The following FAM83F variants were observed in gnomAD, a reference collection of about 807,000 sequenced individuals.
The protein encoded by FAM83F is protein FAM83F.
In FAM83F, 45 loss-of-function variants were observed where a neutral mutation model predicts 42.9. The observed-to-expected ratio is 1.05, with a 90% CI of 0.83 to 1.35. The LOEUF is 1.35. Among genes scored for constraint, FAM83F ranks in the 40% most tolerant of loss-of-function variants. The probability of loss-of-function intolerance (pLI) is 0.00; values close to 1 mark genes in which losing one functional copy is unlikely to be tolerated. For synonymous variants in FAM83F, 306 were observed against 298.3 expected, an observed-to-expected ratio of 1.03 and a Z score of -0.27; for missense variants, 617 against 695.9, an observed-to-expected ratio of 0.89 and a Z score of 1.28.
chr22:40,028,474 C>T (rs1240127283), intron 4 of FAM83F, among the ~76,000 whole-genome samples: 8 of 152,172 alleles, frequency 5.3e-5, no homozygotes, highest in Admixed American at 3.9e-4. Context: ...ATAACACGAG[C>T]GCCTTCCACC....
chr22:40,016,265 C>T (rs952396093), intron 1 of FAM83F, among the ~76,000 whole-genome samples: 2 of 152,050 alleles, frequency 1.3e-5, no homozygotes, highest in Non-Finnish European at 2.9e-5. Flanking sequence ...TGCAGTAGTG[C>T]TATCATGGCT....
chr22:40,006,963 T>A (rs780652566), intron 1 of FAM83F, among the ~76,000 whole-genome samples: 37 of 152,262 alleles, frequency 2.4e-4, no homozygotes, highest in Middle Eastern at 3.4e-3. Flanking sequence ...CAAGATTTTA[T>A]CTAGGCTTGA....
chr22:39,999,316 A>C (rs1479015698), intron 1 of FAM83F, among the ~76,000 whole-genome samples: 2 of 152,192 alleles, frequency 1.3e-5, no homozygotes, highest in Non-Finnish European at 2.9e-5. Flanking sequence ...TCTTGCGCCC[A>C]GGCTCCCTTG....
At chr22:40,000,485 G>T (rs563278641) in intron 1 of FAM83F, among the ~76,000 whole-genome samples, 2 of 152,156 alleles carry the variant, frequency 1.3e-5, no homozygotes, top group African/African-American at 4.8e-5. Context: ...GGAGCCTACC[G>T]TCTTTCCCCA....
intron 1 of FAM83F, among the ~76,000 whole-genome samples, chr22:39,998,445 A>G (rs1184503126): frequency 1.3e-5 from 2 of 151,302 alleles, no homozygotes; most frequent in African/African-American, 2.4e-5. Flanking sequence ...GTCACAGGCC[A>G]GCGGGTGATT....
chr22:40,033,093 T>G lies in FAM83F; in HGVS notation c.*3528T>G, dbSNP rs1328605494. 3 of 123,554 alleles carry G rather than the reference T, an allele frequency of 2.4e-5. No individual in the cohort carries two copies. Among genetic ancestry groups the G allele is most frequent in the Non-Finnish European group, 3.9e-5 (2 of 51,868 alleles). 7.7% of individuals were successfully genotyped at this position (123,554 alleles called of 1,614,324 possible). ...ATGAGAAGCGCAAGTAATTGTTTTG[T>G]TTTTTTTTTGAGACAATGTCTTGCT... On this transcript the variant is annotated 3_prime_UTR_variant, in exon 5 of 5. Transcript: ENST00000333407.
In FAM83F at chr22:40,020,099, G is replaced by A. The variant is rs908565368; in HGVS notation, c.779+91G>A. On this transcript the variant is annotated intron_variant, in intron 3 of 4. Transcript: ENST00000333407. ...GCCAGACCGGAGCCTCCGTCATCAT[G>A]AGTGTGTAACAGGGATCATCTGACG... 3 of 1,517,398 alleles carry A rather than the reference G, an allele frequency of 2.0e-6. No homozygotes were observed. In the African/African-American group the frequency reaches 4.2e-5, roughly 21 times the overall value. The allele number at this position is 1,517,398 out of a possible 1,614,324, so 94.0% of individuals were successfully genotyped here.
chr22:40,000,227 A>C (rs1390744799), intron 1 of FAM83F, among the ~76,000 whole-genome samples: 1 of 152,172 alleles, frequency 6.6e-6, no homozygotes, highest in Non-Finnish European at 1.5e-5. Flanking sequence ...CAGAGAGAAG[A>C]ATGCTCTAAA....
At chr22:39,997,392 A>G (rs780353339) in intron 1 of FAM83F, among the ~76,000 whole-genome samples, 1 of 152,206 alleles carries the variant, frequency 6.6e-6, no homozygotes, top group Non-Finnish European at 1.5e-5. Context: ...CTCTTTAAAT[A>G]TTTAACAACA....
rs1197273575 is a variant in FAM83F, at chr22:40,021,877, T to C, written c.1367T>C (p.Met456Thr). The change falls in exon 4 of 5, where the codon ATG becomes ACG. Residue 456 changes from methionine (M) to threonine (T), a missense_variant. Transcript: ENST00000333407. This position sits in a 1 kb window ranked among gnomAD's most constrained non-coding sequence, Gnocchi z 8.7. Reference sequence around the variant, plus strand: ...AAGAGGCCTGCGGCGCCCAATGGCATGGCCAGCTCTGTCTCCACCGAGACC... The same window carrying C: ...AAGAGGCCTGCGGCGCCCAATGGCACGGCCAGCTCTGTCTCCACCGAGACC... ...RAKRPAAPNG[M>T]ASSVSTETSE... 1.9e-6 allele frequency: 3 copies of C among 1,609,856 alleles called. No individual in the cohort carries two copies. Among genetic ancestry groups the C allele is most frequent in the Non-Finnish European group, 2.5e-6 (3 of 1,178,364 alleles).
Position 40,020,022 on chromosome 22 carries a change from G to T in FAM83F, c.779+14G>T, listed in dbSNP as rs1187142258. ...TGGATCTTACAGGTGAGTTGGGCCG[G>T]ATCAAAGAAGGGCCCAGGAGGCCTT... On this transcript the variant is annotated intron_variant, in intron 3 of 4. Coordinates refer to ENST00000333407, the MANE Select transcript of FAM83F (RefSeq NM_138435.4). 1 of 1,606,056 alleles carries T rather than the reference G, an allele frequency of 6.2e-7. No homozygotes were observed. The highest frequency in any genetic ancestry group is 8.5e-7 in the Non-Finnish European group (1 of 1,176,946).
At position 40,019,891 on chromosome 22, in the gene FAM83F, T is replaced by A; in HGVS notation, c.662T>A (p.Ile221Asn). The change falls in exon 3 of 5, where the codon ATC becomes AAC. Residue 221 changes from isoleucine (I) to asparagine (N), a missense_variant. Physicochemically the swap from Ile to Asn is moderately radical, Grantham distance 149. Coordinates refer to ENST00000333407, the MANE Select transcript of FAM83F (RefSeq NM_138435.4). Reference protein sequence around the residue: ...LQLTDFRIRNIRVRSVTGVGF... With the variant: ...LQLTDFRIRNNRVRSVTGVGF... ...GCCTTCTGCTCTTCCCAACAGAACA[T>A]CCGTGTCCGCTCTGTGACAGGCGTC... 1 of 1,611,002 alleles carries A rather than the reference T, an allele frequency of 6.2e-7. No individual in the cohort carries two copies. The highest frequency in any genetic ancestry group is 8.5e-7 in the Non-Finnish European group (1 of 1,178,578).
In FAM83F at chr22:40,023,547, C is replaced by T. The variant is rs552026940; in HGVS notation, c.1453+1584C>T. Among the ~76,000 whole-genome samples, 2 of 152,228 alleles carry T rather than the reference C, an allele frequency of 1.3e-5. No homozygotes were observed. The highest frequency in any genetic ancestry group is 2.1e-4 in the South Asian group (1 of 4,824). On this transcript the variant is annotated intron_variant, in intron 4 of 4. Transcript: ENST00000333407. This position sits in a 1 kb window ranked among gnomAD's most constrained non-coding sequence, Gnocchi z 4.1. ...GAAGCTTTCTCTTCCTTCAGCCCCT[C>T]GCCCTGAGATGCAGTTTCCATGGAA...
rs1242388347 is a variant in FAM83F, at chr22:40,029,542, C to G, written c.1480C>G (p.Pro494Ala). Residue 494 changes from proline to alanine, a missense_variant, in exon 5 of 5, where the codon CCT (proline) becomes GCT (alanine). Coordinates refer to ENST00000333407, the MANE Select transcript of FAM83F (RefSeq NM_138435.4). ...TAAAACAAGTCCCAGTTCTGCCAAGCCTAGCAACTGTGTGATTTCCTGAGC... is the reference window on the plus strand; with the variant it reads ...TAAAACAAGTCCCAGTTCTGCCAAGGCTAGCAACTGTGTGATTTCCTGAGC... ...SGKTSPSSAK[P>A]SNCVIS 6 of 1,612,722 alleles carry G rather than the reference C, an allele frequency of 3.7e-6. No homozygotes were observed. In the Admixed American group the frequency reaches 1.0e-4, roughly 27 times the overall value.
chr22:40,021,329 C>T lies in FAM83F; in HGVS notation c.819C>T (p.Leu273=), dbSNP rs2067519032. 2 of 1,570,860 alleles carry T rather than the reference C, an allele frequency of 1.3e-6. No individual in the cohort carries two copies. The highest frequency in any genetic ancestry group is 1.7e-6 in the Non-Finnish European group (2 of 1,153,628). ...WSSSHVDRNL[L]LLLTGQNVEP... is the part of the protein sequence containing the mutation. ...CCTCCCATGTGGACAGAAACCTCCT[C>T]CTGCTCCTGACAGGACAGAACGTAG... Residue 273 remains leucine (L), a synonymous_variant, in exon 4 of 5, where the codon CTC becomes CTT. Coordinates refer to ENST00000333407, the MANE Select transcript of FAM83F (RefSeq NM_138435.4). This position sits in a 1 kb window ranked among gnomAD's most constrained non-coding sequence, Gnocchi z 8.7.
In FAM83F at chr22:40,038,498, A is replaced by G. The variant is rs894631396; in HGVS notation, c.*8933A>G. ...GCTGCTCCAAGGATATGGAGAAAAA[A>G]GTTTTTCCTCTGGCCTTGTAGGATT... On this transcript the variant is annotated 3_prime_UTR_variant, in exon 5 of 5. Coordinates refer to ENST00000333407, the MANE Select transcript of FAM83F (RefSeq NM_138435.4). 2 of 152,328 alleles carry G rather than the reference A, an allele frequency of 1.3e-5. No individual in the cohort carries two copies. Among genetic ancestry groups the G allele is most frequent in the Non-Finnish European group, 2.9e-5 (2 of 68,032 alleles). 9.4% of individuals were successfully genotyped at this position (152,328 alleles called of 1,614,324 possible).
At chr22:40,006,861 G>A (rs111899516) in intron 1 of FAM83F, among the ~76,000 whole-genome samples, 10 of 152,292 alleles carry the variant, frequency 6.6e-5, no homozygotes, top group African/African-American at 2.2e-4. Flanking sequence ...GCGTGAACTA[G>A]CATTGCTGCA....
intron 1 of FAM83F, among the ~76,000 whole-genome samples, chr22:39,999,423 A>C (rs1031579377): frequency 6.6e-6 from 1 of 152,220 alleles, no homozygotes; most frequent in Non-Finnish European, 1.5e-5. Flanking sequence ...TCCGCTTCTC[A>C]AAGATTGACC....
Position 40,042,932 on chromosome 22 carries a change from A to G in FAM83F, c.*13367A>G, listed in dbSNP as rs2067658468. 6.6e-6 allele frequency: 1 copy of G among 152,160 alleles called. No individual in the cohort carries two copies. The highest frequency in any genetic ancestry group is 1.5e-5 in the Non-Finnish European group (1 of 68,016). The allele number at this position is 152,160 out of a possible 1,614,324, so 9.4% of individuals were successfully genotyped here. On this transcript the variant is annotated 3_prime_UTR_variant, in exon 5 of 5. Coordinates refer to ENST00000333407, the MANE Select transcript of FAM83F (RefSeq NM_138435.4). ...GTGTTTTTGAGTTCAGAATCCCCAT[A>G]CTGGAAGGCTAATATGGGGTATGTG... is the stretch of plus-strand genomic sequence containing the variant.
Sources: gnomAD v4.1 joint callset for allele counts (sites outside exome capture counted in the v4.1 genomes callset) on GRCh38, gnomAD v4.1.1 for gene constraint, Gnocchi (gnomAD v3.1) non-coding constraint, MANE v1.5 for transcripts, NCBI Gene and HGNC (gene_info 2026-07-23, HGNC 2026-07-21) for gene names.